The following EYS variants were observed in gnomAD, a reference collection of about 807,000 sequenced individuals.
EYS encodes EGF-like photoreceptor maintenance factor.
In EYS, 250 loss-of-function variants were observed where a neutral mutation model predicts 282.1. The observed-to-expected ratio is 0.89, with a 90% CI of 0.80 to 0.98. The LOEUF is 0.98. Ranked by LOEUF, EYS falls within the 50% of genes least tolerant of loss-of-function variation. The pLI is 0.00. For missense variants in EYS, 4,016 were observed against 3,709.0 expected (o/e 1.08, Z -2.15); for synonymous variants, 1,355 against 1,282.9 (o/e 1.06, Z -1.20).
intron 12 of EYS, among the ~76,000 whole-genome samples, chr6:65,286,615 A>G (rs570232394): frequency 6.6e-6 from 1 of 151,838 alleles, no homozygotes; most frequent in South Asian, 2.1e-4. Context: ...TGAATACCAA[A>G]AATTCTACCC....
chr6:65,254,556 G>A (rs1341670618), intron 12 of EYS, among the ~76,000 whole-genome samples: 1 of 151,824 alleles, frequency 6.6e-6, no homozygotes, highest in East Asian at 1.9e-4. Context: ...AACTGCAAAT[G>A]TTAGATTCCA....
At chr6:63,783,667 C>T (rs1242500525) in intron 39 of EYS, among the ~76,000 whole-genome samples, 1 of 152,154 alleles carries the variant, frequency 6.6e-6, no homozygotes, top group Non-Finnish European at 1.5e-5. Flanking sequence ...AATGAGTGAG[C>T]TCAGAGAGTG....
At position 64,349,146 on chromosome 6, in the gene EYS, A is replaced by G. The variant is rs145060301; in HGVS notation, c.6078+39544T>C. ...TGGAATATACGCTCAGTTTTGGTATAAGAATAACTGCATTGTAGTATTACA... is the reference window on the plus strand; with the variant it reads ...TGGAATATACGCTCAGTTTTGGTATGAGAATAACTGCATTGTAGTATTACA... On this transcript the variant is annotated intron_variant, in intron 29 of 42. Coordinates refer to ENST00000503581, the MANE Select transcript of EYS (RefSeq NM_001142800.2). Among the ~76,000 whole-genome samples, 234 of 151,576 alleles carry G rather than the reference A, an allele frequency of 1.5e-3. 2 individuals are homozygous for G. The highest frequency in any genetic ancestry group is 3.1e-3 in the Admixed American group (47 of 15,180).
At chr6:65,322,114 A>G (rs1461995077) in intron 11 of EYS, among the ~76,000 whole-genome samples, 1 of 152,220 alleles carries the variant, frequency 6.6e-6, no homozygotes, top group Non-Finnish European at 1.5e-5. Flanking sequence ...AAGGGATTCT[A>G]TGCTTACCTA....
intron 2 of EYS, among the ~76,000 whole-genome samples, chr6:65,506,628 T>C (rs978356173): frequency 1.3e-5 from 2 of 148,582 alleles, no homozygotes; most frequent in Non-Finnish European, 3.0e-5. Context: ...CCAGCACATG[T>C]CACCAGACCA....
rs923445985 is a variant in EYS at position 65,703,051 on chromosome 6, C to T, written c.-448+4084G>A. On this transcript the variant is annotated intron_variant, in intron 1 of 42. Transcript: ENST00000503581. ...GTCCTCTAAAAAGAAAAGCATTCAG[C>T]CTCTAAACTGCCTTCCAATTAGAGC... Among the ~76,000 whole-genome samples the T allele has an allele frequency of 3.3e-5, 5 of 152,242 alleles. No homozygotes were observed. The South Asian group carries it at 6.2e-4, about 19-fold the overall frequency.
In EYS at chr6:63,999,251, G is replaced by A. The variant is rs141982021; in HGVS notation, c.6726-68C>T. ...GCAAGAAAGGAGTAACTTCACACAT[G>A]GATAGTAAGTACTTCTTCATTGAGA... is the stretch of plus-strand genomic sequence containing the variant. On this transcript the variant is annotated intron_variant, in intron 33 of 42. Coordinates refer to ENST00000503581, the MANE Select transcript of EYS (RefSeq NM_001142800.2). 7.9e-4 allele frequency: 757 copies of A among 955,180 alleles called. No homozygotes were observed. The African/African-American group carries it at 0.011, about 14-fold the overall frequency. The allele number at this position is 955,180 out of a possible 1,614,324, so 59.2% of individuals were successfully genotyped here.
chr6:64,135,906 T>C (rs1774144851), intron 31 of EYS, among the ~76,000 whole-genome samples: 1 of 152,028 alleles, frequency 6.6e-6, no homozygotes, highest in Non-Finnish European at 1.5e-5. Flanking sequence ...GCTATGGGCA[T>C]TTCTTAAAAT....
intron 41 of EYS, among the ~76,000 whole-genome samples, chr6:63,748,226 C>T (rs1769258145): frequency 6.6e-6 from 1 of 152,082 alleles, no homozygotes; most frequent in Admixed American, 6.6e-5. Context: ...TACAAGACTA[C>T]AGTAACTGAG....
intron 34 of EYS, among the ~76,000 whole-genome samples, chr6:63,993,364 A>G (rs1349024392): frequency 6.6e-6 from 1 of 151,824 alleles, no homozygotes; most frequent in Non-Finnish European, 1.5e-5. Context: ...GAAATAAAGA[A>G]GTAAAATTAT....
intron 2 of EYS, among the ~76,000 whole-genome samples, chr6:65,527,234 T>G (rs1398929864): frequency 6.6e-6 from 1 of 152,178 alleles, no homozygotes; most frequent in Non-Finnish European, 1.5e-5. Flanking sequence ...GAAAGCATTA[T>G]AAATTACAGA....
intron 12 of EYS, among the ~76,000 whole-genome samples, chr6:65,232,965 TATTA>T (rs1434101882): frequency 1.3e-5 from 2 of 152,162 alleles, no homozygotes; most frequent in Non-Finnish European, 2.9e-5. Context: ...GTGTCAGTAC[TATTA>T]GTCTGCTCCT....
intron 29 of EYS, among the ~76,000 whole-genome samples, chr6:64,381,090 T>C (rs1432364270): frequency 5.9e-5 from 9 of 151,404 alleles, no homozygotes. Flanking sequence ...TGCATACAAA[T>C]ATATAATGGA....
intron 5 of EYS, among the ~76,000 whole-genome samples, chr6:65,413,969 T>C (rs1455198359): frequency 6.6e-6 from 1 of 152,150 alleles, no homozygotes; most frequent in Non-Finnish European, 1.5e-5. Flanking sequence ...TGTATATAAT[T>C]TGTTGCCTTC....
intron 2 of EYS, among the ~76,000 whole-genome samples, chr6:65,598,446 C>T (rs972223277): frequency 6.6e-6 from 1 of 151,968 alleles, no homozygotes; most frequent in Non-Finnish European, 1.5e-5. Flanking sequence ...TCCAGCATCA[C>T]CTGGAGTATA....
chr6:64,507,136 T>A (rs182039227), intron 26 of EYS, among the ~76,000 whole-genome samples: 1 of 152,060 alleles, frequency 6.6e-6, no homozygotes, highest in East Asian at 1.9e-4. Flanking sequence ...CAAAATATAT[T>A]TGAAAATAAA....
chr6:65,466,060 G>T (rs1183081803), intron 5 of EYS, among the ~76,000 whole-genome samples: 2 of 152,082 alleles, frequency 1.3e-5, no homozygotes, highest in African/African-American at 4.8e-5. Flanking sequence ...TAATGGGACA[G>T]AGAATTAGAA....
intron 35 of EYS, among the ~76,000 whole-genome samples, chr6:63,874,048 T>A (rs1489558937): frequency 6.6e-6 from 1 of 152,202 alleles, no homozygotes; most frequent in Non-Finnish European, 1.5e-5. Flanking sequence ...CTTTTGATGT[T>A]TTAGTCATGA....
At chr6:64,503,639 C>T (rs923718172) in intron 26 of EYS, among the ~76,000 whole-genome samples, 1 of 152,084 alleles carries the variant, frequency 6.6e-6, no homozygotes, top group Non-Finnish European at 1.5e-5. Context: ...AACATTTGTC[C>T]TGAAACAGCA....
Sources: allele counts gnomAD v4.1 joint callset (sites outside exome capture counted in the v4.1 genomes callset), GRCh38; gene constraint gnomAD v4.1.1; transcripts MANE v1.5; gene names NCBI Gene and HGNC (gene_info 2026-07-23, HGNC 2026-07-21).